The following CRTC3 variants were observed in gnomAD, a reference collection of about 807,000 sequenced individuals.
CRTC3 encodes the protein CREB regulated transcription coactivator 3.
In CRTC3, 26 loss-of-function variants were observed where a neutral mutation model predicts 74.5. The observed-to-expected ratio is 0.35, with a 90% CI of 0.26 to 0.48. The LOEUF (loss-of-function observed/expected upper bound fraction) is 0.48, where lower values mean the gene tolerates loss of function less well. Among genes scored for constraint, CRTC3 ranks in the 20% least tolerant of loss-of-function variants. CRTC3 has a pLI of 0.99. For missense variants in CRTC3, 760 were observed against 787.3 expected (o/e 0.97, Z 0.41); for synonymous variants, 377 against 325.8 (o/e 1.16, Z -1.69).
rs960821513 is a variant in CRTC3, at chr15:90,643,605, T to C, written c.*1465T>C. ...TATAGTAAAACGAAGGCCTAATTCA[T>C]GGAAGCATCATTAGTCATCAATACC... On this transcript the variant is annotated 3_prime_UTR_variant, in exon 15 of 15. Coordinates refer to ENST00000268184, the MANE Select transcript of CRTC3 (RefSeq NM_022769.5). The C allele has an allele frequency of 1.3e-5, 3 of 229,810 alleles. No homozygotes were observed. The highest frequency in any genetic ancestry group is 2.6e-5 in the Non-Finnish European group (3 of 116,452). 14.2% of individuals were successfully genotyped at this position (229,810 alleles called of 1,614,324 possible). A position where few individuals can be genotyped will look rare whatever the true frequency, so the allele number is the denominator to read the frequency against.
chr15:90,602,963 A>G (rs1057300563), intron 4 of CRTC3, among the ~76,000 whole-genome samples: 4 of 151,860 alleles, frequency 2.6e-5, no homozygotes, highest in Non-Finnish European at 5.9e-5. Flanking sequence ...ACAGAGTGAG[A>G]CTCCATCTCA....
intron 10 of CRTC3, 44 bp downstream of exon 10, chr15:90,626,037 G>C (rs142262387): frequency 6.7e-7 from 1 of 1,488,412 alleles, no homozygotes; most frequent in African/African-American, 1.4e-5. Flanking sequence ...CTTAATCATA[G>C]GTGGTCCCCA....
intron 2 of CRTC3, among the ~76,000 whole-genome samples, chr15:90,572,481 G>A (rs75568737): frequency 1.9e-4 from 29 of 152,240 alleles, no homozygotes; most frequent in South Asian, 6.2e-4. Flanking sequence ...AGATATTACC[G>A]TATTATTCCC....
intron 5 of CRTC3, chr15:90,606,934 T>C (rs1968238417): frequency 6.5e-6 from 1 of 153,408 alleles, no homozygotes. Context: ...AGAATAGTCT[T>C]GATCTTACCT....
Position 90,556,979 on chromosome 15 carries a change from T to C in CRTC3, c.231+16842T>C, listed in dbSNP as rs1453189273. 2.8e-5 allele frequency among the ~76,000 whole-genome samples: 4 copies of C among 143,560 alleles called. No homozygotes were observed. The East Asian group carries it at 8.0e-4, about 29-fold the overall frequency. 94.2% of individuals were successfully genotyped at this position (143,560 alleles called of 152,430 possible). On this transcript the variant is annotated intron_variant, in intron 2 of 14. Coordinates refer to ENST00000268184, the MANE Select transcript of CRTC3 (RefSeq NM_022769.5). ...ATGGCTATATATATATATATATATA[T>C]ATATATATATATATATATATCTTTA...
chr15:90,638,222 CTTTT>C (rs1315039046), intron 11 of CRTC3: 1 of 485,470 alleles, frequency 2.1e-6, no homozygotes, highest in East Asian at 3.2e-5. Context: ...TTGTTTAGTT[CTTTT>C]AAGACAATAG....
At chr15:90,580,542 C>CTAATT (rs1967514884) in intron 2 of CRTC3, among the ~76,000 whole-genome samples, 1 of 151,890 alleles carries the variant, frequency 6.6e-6, no homozygotes, top group African/African-American at 2.4e-5. Flanking sequence ...ATTCTCCTGC[C>CTAATT]TTAGATTCCA....
At chr15:90,603,310 G>T (rs913982167) in intron 4 of CRTC3, among the ~76,000 whole-genome samples, 2 of 149,534 alleles carry the variant, frequency 1.3e-5, no homozygotes, top group African/African-American at 4.9e-5. Context: ...GGGCGTGGTG[G>T]CAGGCGCCTG....
intron 3 of CRTC3, among the ~76,000 whole-genome samples, chr15:90,601,558 C>T (rs995064478): frequency 1.6e-4 from 24 of 152,090 alleles, no homozygotes; most frequent in African/African-American, 5.8e-4. Context: ...GAGGCTGAGG[C>T]AGGAGAATTG....
intron 2 of CRTC3, among the ~76,000 whole-genome samples, chr15:90,588,268 A>AG: frequency 6.6e-6 from 1 of 151,158 alleles, no homozygotes; most frequent in Admixed American, 6.6e-5. Flanking sequence ...TCAAAAAAAA[A>AG]AAAAAGTAAG....
At position 90,612,035 on chromosome 15, in the gene CRTC3, C is replaced by G. The variant is rs1459560691; in HGVS notation, c.578-2418C>G. Among the ~76,000 whole-genome samples the G allele has an allele frequency of 2.5e-3, 344 of 135,222 alleles. 2 individuals are homozygous for G. Among genetic ancestry groups the G allele is most frequent in the African/African-American group, 8.0e-3 (292 of 36,468 alleles). The allele number at this position is 135,222 out of a possible 152,430, so 88.7% of individuals were successfully genotyped here. ...TCCCCAACCACCCCCCACTCCTCCT[C>G]CTCCTCCTCCTCCTCCTCCTCCGCC... is the stretch of plus-strand genomic sequence containing the variant. On this transcript the variant is annotated intron_variant, in intron 6 of 14. Transcript: ENST00000268184.
intron 2 of CRTC3, among the ~76,000 whole-genome samples, chr15:90,563,453 T>G (rs1967056649): frequency 1.3e-5 from 2 of 151,816 alleles, no homozygotes; most frequent in African/African-American, 4.8e-5. Context: ...TTAAAACAGC[T>G]TATAAACTTG....
chr15:90,622,485 T>C (rs1968684762), intron 9 of CRTC3, among the ~76,000 whole-genome samples: 1 of 152,216 alleles, frequency 6.6e-6, no homozygotes, highest in South Asian at 2.1e-4. Flanking sequence ...TTGAGGGCTC[T>C]GAGGTCTCAA....
chr15:90,643,735 G>C lies in CRTC3; in HGVS notation c.*1595G>C, dbSNP rs540471101. On this transcript the variant is annotated 3_prime_UTR_variant, in exon 15 of 15. Transcript: ENST00000268184. ...GCAGAGCACTGCAGGGGGAGGGGGG[G>C]GTCTAGGCTGTGAGAGGACAGGGTG... is the stretch of plus-strand genomic sequence containing the variant. The C allele has an allele frequency of 8.6e-6, 2 of 232,612 alleles. No homozygotes were observed. The highest frequency in any genetic ancestry group is 1.7e-5 in the Non-Finnish European group (2 of 117,812). 14.4% of individuals were successfully genotyped at this position (232,612 alleles called of 1,614,324 possible).
At chr15:90,616,309 C>T (rs1029799688) in intron 7 of CRTC3, among the ~76,000 whole-genome samples, 8 of 152,106 alleles carry the variant, frequency 5.3e-5, no homozygotes, top group African/African-American at 1.7e-4. Flanking sequence ...CTCCCCTTAC[C>T]GTGCTGTCAA....
chr15:90,575,110 G>A lies in CRTC3; in HGVS notation c.232-18526G>A, dbSNP rs1967372566. 2.0e-5 allele frequency among the ~76,000 whole-genome samples: 3 copies of A among 152,172 alleles called. No homozygotes were observed. In the South Asian group the frequency reaches 6.2e-4, roughly 31 times the overall value. On this transcript the variant is annotated intron_variant, in intron 2 of 14. Transcript: ENST00000268184. ...CACTCCTGTAATCCCAGCACTTTGG[G>A]AGGCTGAGGTGGGTGGATCACCTGA...
At chr15:90,634,178 C>G (rs1057341130) in intron 11 of CRTC3, among the ~76,000 whole-genome samples, 1 of 150,324 alleles carries the variant, frequency 6.7e-6, no homozygotes, top group Admixed American at 6.6e-5. Context: ...GTGGTGTGAT[C>G]TCGGCTCATT....
intron 9 of CRTC3, among the ~76,000 whole-genome samples, chr15:90,620,527 C>A (rs374198071): frequency 1.9e-4 from 29 of 152,186 alleles, no homozygotes; most frequent in African/African-American, 6.5e-4. Flanking sequence ...TAATGAGGCC[C>A]TTGCCTTAAC....
chr15:90,633,144 G>A (rs1201262884), intron 11 of CRTC3, among the ~76,000 whole-genome samples: 1 of 152,162 alleles, frequency 6.6e-6, no homozygotes, highest in East Asian at 1.9e-4. Flanking sequence ...AGTCAGAGTT[G>A]ACATATAGTA....
Sources: allele counts gnomAD v4.1 joint callset (sites outside exome capture counted in the v4.1 genomes callset), GRCh38; gene constraint gnomAD v4.1.1; transcripts MANE v1.5; gene names NCBI Gene and HGNC (gene_info 2026-07-23, HGNC 2026-07-21).